The following ERO1A variants were observed in gnomAD, a reference collection of about 807,000 sequenced individuals.
ERO1A encodes ERO1-like protein alpha.
Under a neutral mutation model 76.9 loss-of-function variants are expected in ERO1A, and 49 were observed. That is an observed-to-expected ratio of 0.64 (90% CI 0.51 to 0.81). The LOEUF is 0.81. Ranked by LOEUF, ERO1A falls within the 30% of genes least tolerant of loss-of-function variation. The pLI is 0.00. For synonymous variants in ERO1A, 174 were observed against 181.2 expected (o/e 0.96, Z 0.32); for missense variants, 448 against 542.1 (o/e 0.83, Z 1.72).
chr14:52,691,511 C>G (rs145379321), intron 1 of ERO1A, among the ~76,000 whole-genome samples: 27 of 152,338 alleles, frequency 1.8e-4, no homozygotes, highest in African/African-American at 6.5e-4. Context: ...AAGTTATAAT[C>G]CTGGGCTTAT....
intron 1 of ERO1A, among the ~76,000 whole-genome samples, chr14:52,684,423 G>A (rs1350117196): frequency 6.6e-6 from 1 of 151,972 alleles, no homozygotes; most frequent in East Asian, 1.9e-4. Context: ...GGAATTCTTG[G>A]GGGGCAAAAA....
Position 52,646,281 on chromosome 14 carries a change from C to T in ERO1A, c.1219G>A (p.Gly407Ser), listed in dbSNP as rs2139621443. ...AAGATCTTCAGAGCAGTGCCCAAAC[C>T]CTGAGTCTGTAATAGAAATAAGGAA... Reference protein sequence around the residue: ...CRLWGKLQTQGLGTALKILFS... With the variant: ...CRLWGKLQTQSLGTALKILFS... Residue 407 changes from glycine to serine, a missense_variant, in exon 15 of 16, where the codon GGT becomes AGT. Transcript: ENST00000395686. 1.2e-6 allele frequency: 2 copies of T among 1,608,208 alleles called. No individual in the cohort carries two copies. Among genetic ancestry groups the T allele is most frequent in the Middle Eastern group, 1.7e-4 (1 of 6,020 alleles).
chr14:52,663,955 T>C, intron 7 of ERO1A, 108 bp from the exon 8 acceptor site: 1 of 607,292 alleles, frequency 1.6e-6, no homozygotes, highest in African/African-American at 1.9e-5. Flanking sequence ...TCAAATTGTT[T>C]TATTGAGATT....
intron 1 of ERO1A, among the ~76,000 whole-genome samples, chr14:52,690,490 C>T (rs750210521): frequency 3.7e-4 from 56 of 152,158 alleles, no homozygotes; most frequent in Non-Finnish European, 8.2e-4. Flanking sequence ...TCTATAATCC[C>T]AGCACTTTGG....
At chr14:52,671,500 T>C in intron 6 of ERO1A, 130 bp downstream of exon 6, 4 of 585,910 alleles carry the variant, frequency 6.8e-6, no homozygotes, top group Non-Finnish European at 1.2e-5. Flanking sequence ...GCTCCAGTGA[T>C]TCTCCTGCCT....
intron 3 of ERO1A, among the ~76,000 whole-genome samples, chr14:52,680,215 T>C (rs956550652): frequency 3.3e-5 from 5 of 152,128 alleles, no homozygotes; most frequent in African/African-American, 4.8e-5. Flanking sequence ...AACTTCCACC[T>C]GATTCTTTTA....
In ERO1A at chr14:52,695,370, G is replaced by T; in HGVS notation, c.112C>A (p.Gln38Lys). 1 of 1,465,306 alleles carries T rather than the reference G, an allele frequency of 6.8e-7. No homozygotes were observed. The highest frequency in any genetic ancestry group is 9.1e-7 in the Non-Finnish European group (1 of 1,098,216). 90.8% of individuals were successfully genotyped at this position (1,465,306 alleles called of 1,614,324 possible). ...GCACCAACGCGCACATCGCTCACCTGGCAGAAGCACCTCTGTGCCGCTGTC... is the reference window on the plus strand; with the variant it reads ...GCACCAACGCGCACATCGCTCACCTTGCAGAAGCACCTCTGTGCCGCTGTC... ...PETAAQRCFC[Q>K]VSGYLDDCTC... is the part of the protein sequence containing the mutation. Residue 38 changes from glutamine (Q) to lysine (K), a missense_variant and splice_region_variant, in exon 1 of 16, where the codon CAG becomes AAG. Physicochemically the swap from Gln to Lys is moderately conservative, Grantham distance 53. Coordinates refer to ENST00000395686, the MANE Select transcript of ERO1A (RefSeq NM_014584.3).
intron 11 of ERO1A, among the ~76,000 whole-genome samples, chr14:52,656,711 C>CAAAAAAAA (rs34369320): frequency 1.6e-3 from 167 of 103,562 alleles, no homozygotes; most frequent in African/African-American, 6.3e-3. Flanking sequence ...GACTCTGTCT[C>CAAAAAAAA]AAAAAAAAAA....
At position 52,643,350 on chromosome 14, in the gene ERO1A, C is replaced by A. The variant is rs1249688948; in HGVS notation, c.*220G>T. ...TCAATATTAAACTTTAAAATTTGTACCACATTATTAAAGTATTACTTTTAC... is the reference window on the plus strand; with the variant it reads ...TCAATATTAAACTTTAAAATTTGTAACACATTATTAAAGTATTACTTTTAC... On this transcript the variant is annotated 3_prime_UTR_variant, in exon 16 of 16. Coordinates refer to ENST00000395686, the MANE Select transcript of ERO1A (RefSeq NM_014584.3). 2 of 341,632 alleles carry A rather than the reference C, an allele frequency of 5.9e-6. No homozygotes were observed. The highest frequency in any genetic ancestry group is 9.1e-5 in the East Asian group (2 of 22,098). The allele number at this position is 341,632 out of a possible 1,614,324, so 21.2% of individuals were successfully genotyped here.
intron 7 of ERO1A, among the ~76,000 whole-genome samples, chr14:52,665,172 T>C (rs76510506): frequency 0.13 from 19,473 of 151,116 alleles, 1,340 homozygotes; most frequent in East Asian, 0.21. Flanking sequence ...TGTGGTGGCG[T>C]GTGCCTGTAG....
chr14:52,656,711 C>CAAAAAAAAAAA (rs34369320), intron 11 of ERO1A, among the ~76,000 whole-genome samples: 1 of 103,602 alleles, frequency 9.7e-6, no homozygotes, highest in African/African-American at 3.9e-5. Context: ...GACTCTGTCT[C>CAAAAAAAAAAA]AAAAAAAAAA....
intron 1 of ERO1A, among the ~76,000 whole-genome samples, chr14:52,691,831 C>A (rs191835293): frequency 1.6e-3 from 237 of 152,304 alleles, no homozygotes; most frequent in Admixed American, 3.8e-3. Context: ...CGTGAGCCAC[C>A]ATGCCTGGCC....
intron 11 of ERO1A, among the ~76,000 whole-genome samples, chr14:52,654,568 G>A (rs889703084): frequency 6.6e-6 from 1 of 152,256 alleles, no homozygotes; most frequent in African/African-American, 2.4e-5. Flanking sequence ...CACAGTACTT[G>A]CTGTGTAACG....
Position 52,643,237 on chromosome 14 carries a change from ATATTACATAT to A in ERO1A, c.*323_*332del, listed in dbSNP as rs1290744663. The A allele has an allele frequency of 2.4e-5, 4 of 163,414 alleles. No homozygotes were observed. The highest frequency in any genetic ancestry group is 9.5e-5 in the African/African-American group (4 of 42,114). The allele number at this position is 163,414 out of a possible 1,614,324, so 10.1% of individuals were successfully genotyped here. A position where few individuals can be genotyped will look rare whatever the true frequency, so the allele number is the denominator to read the frequency against. ...TGTCACATTTACCATAGTTTTATTTATATTACATATTATTACATAAAACGCTAGTTTGAGA... is the reference window on the plus strand; with the variant it reads ...TGTCACATTTACCATAGTTTTATTTATATTACATAAAACGCTAGTTTGAGA... On this transcript the variant is annotated 3_prime_UTR_variant, in exon 16 of 16. Transcript: ENST00000395686.
At chr14:52,655,486 T>G (rs1594821833) in intron 11 of ERO1A, among the ~76,000 whole-genome samples, 1 of 152,222 alleles carries the variant, frequency 6.6e-6, no homozygotes, top group East Asian at 1.9e-4. Flanking sequence ...TAATGTTCTA[T>G]GATACACTTA....
In ERO1A at chr14:52,640,651, A is replaced by T. The variant is rs2039440400; in HGVS notation, c.*2919T>A. On this transcript the variant is annotated 3_prime_UTR_variant, in exon 16 of 16. Coordinates refer to ENST00000395686, the MANE Select transcript of ERO1A (RefSeq NM_014584.3). ...TAGGAGGCAGGTTAGTACTGTAGGT[A>T]TTTATTAATAATAGCAATGAAGATG... The T allele has an allele frequency of 6.6e-6, 1 of 152,224 alleles. No homozygotes were observed. Among genetic ancestry groups the T allele is most frequent in the Non-Finnish European group, 1.5e-5 (1 of 68,050 alleles). 9.4% of individuals were successfully genotyped at this position (152,224 alleles called of 1,614,324 possible). A position where few individuals can be genotyped will look rare whatever the true frequency, so the allele number is the denominator to read the frequency against.
intron 6 of ERO1A, among the ~76,000 whole-genome samples, chr14:52,668,895 T>A (rs1035458543): frequency 7.9e-5 from 12 of 151,374 alleles, no homozygotes; most frequent in Admixed American, 3.3e-4. Context: ...TATCACTGAA[T>A]AGAACCTGAA....
At position 52,643,363 on chromosome 14, in the gene ERO1A, G is replaced by A. The variant is rs983073804; in HGVS notation, c.*207C>T. The A allele has an allele frequency of 1.3e-5, 5 of 371,018 alleles. No individual in the cohort carries two copies. The South Asian group carries it at 4.1e-4, about 30-fold the overall frequency. The allele number at this position is 371,018 out of a possible 1,614,324, so 23.0% of individuals were successfully genotyped here. A position where few individuals can be genotyped will look rare whatever the true frequency, so the allele number is the denominator to read the frequency against. On this transcript the variant is annotated 3_prime_UTR_variant, in exon 16 of 16. Transcript: ENST00000395686. ...TTAAAATTTGTACCACATTATTAAA[G>A]TATTACTTTTACTCACAGTAGTATT...
At chr14:52,677,003 A>G (rs557638619) in intron 4 of ERO1A, among the ~76,000 whole-genome samples, 1 of 152,352 alleles carries the variant, frequency 6.6e-6, no homozygotes, top group South Asian at 2.1e-4. Context: ...TGTCAGGACA[A>G]CAGGTATAAG....
Sources: allele counts gnomAD v4.1 joint callset (sites outside exome capture counted in the v4.1 genomes callset), GRCh38; gene constraint gnomAD v4.1.1; transcripts MANE v1.5; gene names NCBI Gene and HGNC (gene_info 2026-07-23, HGNC 2026-07-21).